The following NAA50 variants were observed in gnomAD, a reference collection of about 807,000 sequenced individuals.
NAA50 encodes N-alpha-acetyltransferase 50.
A neutral mutation model predicts 20.7 loss-of-function variants in NAA50; 7 were observed. The ratio of observed to expected loss-of-function variants is 0.34; its 90% confidence interval spans 0.19 to 0.63. The LOEUF is 0.63. NAA50 is among the 30% of genes least tolerant of loss of function. The probability of loss-of-function intolerance (pLI) is 0.75; values close to 1 mark genes in which losing one functional copy is unlikely to be tolerated. For synonymous variants in NAA50, 54 were observed against 70.6 expected (o/e 0.77, Z 1.18); for missense variants, 111 against 199.1 (o/e 0.56, Z 2.66).
intron 1 of NAA50, chr3:113,739,409 T>A (rs1708383847): frequency 6.6e-6 from 1 of 152,224 alleles, no homozygotes; most frequent in African/African-American, 2.4e-5. Context: ...ACACCAGAGC[T>A]TTAAAAATGT....
At chr3:113,742,401 A>G (rs941100653) in intron 1 of NAA50, among the ~76,000 whole-genome samples, 2 of 150,392 alleles carry the variant, frequency 1.3e-5, no homozygotes, top group Non-Finnish European at 2.9e-5. Flanking sequence ...AGCTGGAACT[A>G]CAGACTTGCA....
intron 1 of NAA50, among the ~76,000 whole-genome samples, chr3:113,729,149 C>T (rs773289609): frequency 2.7e-4 from 40 of 150,704 alleles, no homozygotes; most frequent in Non-Finnish European, 4.4e-4. Flanking sequence ...CCACTCCTAA[C>T]TAATTTTTGT....
intron 1 of NAA50, among the ~76,000 whole-genome samples, chr3:113,742,257 AGTTTT>A (rs759835800): frequency 2.6e-5 from 4 of 152,088 alleles, no homozygotes; most frequent in Admixed American, 1.3e-4. Flanking sequence ...CTTTAAAAAA[AGTTTT>A]GTTTTGTTTT....
At position 113,720,774 on chromosome 3, in the gene NAA50, A is replaced by AT. The variant is rs1170106216; in HGVS notation, c.*985dup. ...GCTGGCATTAGATGACAGTAATTGA[A>AT]TTTTTTGTGTCACAGCCCATCTAAG... On this transcript the variant is annotated 3_prime_UTR_variant, in exon 5 of 5. Transcript: ENST00000240922. 1 of 152,258 alleles carries AT rather than the reference A, an allele frequency of 6.6e-6. No homozygotes were observed. The highest frequency in any genetic ancestry group is 1.5e-5 in the Non-Finnish European group (1 of 67,986). 9.4% of individuals were successfully genotyped at this position (152,258 alleles called of 1,614,324 possible).
intron 1 of NAA50, among the ~76,000 whole-genome samples, chr3:113,732,193 C>A (rs535270967): frequency 1.3e-5 from 2 of 152,164 alleles, no homozygotes; most frequent in African/African-American, 4.8e-5. Context: ...TCCAGACGGG[C>A]CTAATATAAT....
chr3:113,740,092 T>C (rs1366040276), intron 1 of NAA50, among the ~76,000 whole-genome samples: 1 of 152,136 alleles, frequency 6.6e-6, no homozygotes, highest in Non-Finnish European at 1.5e-5. Context: ...ATAAAACTTA[T>C]TTTCCCTTAG....
rs1328769910 is a variant in NAA50 at position 113,720,227 on chromosome 3, T to C, written c.*1533A>G. 6.5e-6 allele frequency: 1 copy of C among 152,692 alleles called. No homozygotes were observed. The highest frequency in any genetic ancestry group is 1.5e-5 in the Non-Finnish European group (1 of 68,014). 9.5% of individuals were successfully genotyped at this position (152,692 alleles called of 1,614,324 possible). The stretch of plus-strand genomic sequence containing the variant: ...GGTTATAAAGTGTGCATAAACATTT[T>C]ATAAAATAATTTTGTCATTTAACAT... On this transcript the variant is annotated 3_prime_UTR_variant, in exon 5 of 5. Coordinates refer to ENST00000240922, the MANE Select transcript of NAA50 (RefSeq NM_025146.4).
At chr3:113,725,963 A>G (rs980638738) in intron 1 of NAA50, among the ~76,000 whole-genome samples, 1 of 152,158 alleles carries the variant, frequency 6.6e-6, no homozygotes, top group Non-Finnish European at 1.5e-5. Context: ...CCCCTATTTA[A>G]GTAGTCTGTA....
intron 1 of NAA50, among the ~76,000 whole-genome samples, chr3:113,726,840 G>T (rs906993548): frequency 6.6e-6 from 1 of 152,066 alleles, no homozygotes; most frequent in African/African-American, 2.4e-5. Context: ...AGACAGGGTT[G>T]CTCTGTTGCC....
rs576749841 is a variant in NAA50, at chr3:113,746,014, G to A, written c.-65C>T. On this transcript the variant is annotated 5_prime_UTR_variant, in exon 1 of 5. Coordinates refer to ENST00000240922, the MANE Select transcript of NAA50 (RefSeq NM_025146.4). ...ACGCCGTCGTAGTCGCCGCCCTTAG[G>A]TCTCCGCACCCTTAGCTCGGGCCAC... 2.3e-5 allele frequency: 36 copies of A among 1,596,740 alleles called. No homozygotes were observed. In the African/African-American group the frequency reaches 3.2e-4, roughly 14 times the overall value.
At chr3:113,738,525 C>T (rs1708374076) in intron 1 of NAA50, among the ~76,000 whole-genome samples, 1 of 152,202 alleles carries the variant, frequency 6.6e-6, no homozygotes, top group Admixed American at 6.5e-5. Flanking sequence ...AATTCTGCTT[C>T]CCCAGATACC....
intron 1 of NAA50, among the ~76,000 whole-genome samples, chr3:113,736,688 C>T (rs1458884584): frequency 1.3e-5 from 2 of 152,016 alleles, no homozygotes; most frequent in Non-Finnish European, 2.9e-5. Context: ...AAGTGGGTCT[C>T]GGTAAAAAGT....
chr3:113,735,995 G>C (rs1056090886), intron 1 of NAA50, among the ~76,000 whole-genome samples: 6 of 152,134 alleles, frequency 3.9e-5, no homozygotes, highest in Admixed American at 6.6e-5. Context: ...CTGATTCACA[G>C]TTTTTCCTTT....
At chr3:113,741,170 A>C in intron 1 of NAA50, 1 of 529,114 alleles carries the variant, frequency 1.9e-6, no homozygotes, top group East Asian at 4.8e-5. Flanking sequence ...CAAAACATGA[A>C]CATTACTACA....
Position 113,728,525 on chromosome 3 carries a change from A to C in NAA50, c.9-4430T>G, listed in dbSNP as rs111781102. On this transcript the variant is annotated intron_variant, in intron 1 of 4. Transcript: ENST00000240922. Reference sequence around the variant, plus strand: ...AAGGGCAAGAGATGCAGTCTAATAAAACATGAACAAAACAGCAGTGATGTA... The same window carrying C: ...AAGGGCAAGAGATGCAGTCTAATAACACATGAACAAAACAGCAGTGATGTA... 8.5e-5 allele frequency among the ~76,000 whole-genome samples: 13 copies of C among 152,364 alleles called. 2 individuals are homozygous for C. Among genetic ancestry groups the C allele is most frequent in the African/African-American group, 3.1e-4 (13 of 41,584 alleles).
rs1041237389 is a variant in NAA50 at position 113,718,201 on chromosome 3, G to C, written c.*3559C>G. Reference sequence around the variant, plus strand: ...AAGAGCCACGTGAGCATCAGGCACTGTGTGTGATACCCACACAGTGAGGAA... The same window carrying C: ...AAGAGCCACGTGAGCATCAGGCACTCTGTGTGATACCCACACAGTGAGGAA... On this transcript the variant is annotated 3_prime_UTR_variant, in exon 5 of 5. Coordinates refer to ENST00000240922, the MANE Select transcript of NAA50 (RefSeq NM_025146.4). 1 of 152,182 alleles carries C rather than the reference G, an allele frequency of 6.6e-6. No homozygotes were observed. Among genetic ancestry groups the C allele is most frequent in the Non-Finnish European group, 1.5e-5 (1 of 68,060 alleles). The allele number at this position is 152,182 out of a possible 1,614,324, so 9.4% of individuals were successfully genotyped here.
At chr3:113,745,362 T>G (rs1175296184) in intron 1 of NAA50, among the ~76,000 whole-genome samples, 1 of 152,150 alleles carries the variant, frequency 6.6e-6, no homozygotes, top group Admixed American at 6.5e-5. Context: ...ACCCCAAGTC[T>G]ACAGTGATCG....
chr3:113,745,620 C>G (rs2107998860), intron 1 of NAA50: 1 of 358,806 alleles, frequency 2.8e-6, no homozygotes. Flanking sequence ...GGTCCGCTCC[C>G]GGGAAGGAGG....
chr3:113,726,193 T>G (rs903084351), intron 1 of NAA50, among the ~76,000 whole-genome samples: 1 of 152,088 alleles, frequency 6.6e-6, no homozygotes, highest in Non-Finnish European at 1.5e-5. Context: ...AACAAACATG[T>G]TAGTAAAAGG....
Sources: allele counts gnomAD v4.1 joint callset (sites outside exome capture counted in the v4.1 genomes callset), GRCh38; gene constraint gnomAD v4.1.1; transcripts MANE v1.5; gene names NCBI Gene and HGNC (gene_info 2026-07-23, HGNC 2026-07-21).